The following TRAPPC9 variants were observed in gnomAD, a reference collection of about 807,000 sequenced individuals.
The protein encoded by TRAPPC9 is trafficking protein particle complex subunit 9.
TRAPPC9 carries 83 observed loss-of-function variants against 124.0 expected under a neutral mutation model. The ratio of observed to expected loss-of-function variants is 0.67; its 90% confidence interval spans 0.56 to 0.80. TRAPPC9 has a LOEUF of 0.80. Ranked by LOEUF, TRAPPC9 falls within the 30% of genes least tolerant of loss-of-function variation. TRAPPC9 has a pLI of 0.00. For synonymous variants in TRAPPC9, 638 were observed against 617.5 expected, an observed-to-expected ratio of 1.03 and a Z score of -0.49; for missense variants, 1,302 against 1,508.3, an observed-to-expected ratio of 0.86 and a Z score of 2.27.
chr8:140,345,378 A>G (rs2067314440), intron 9 of TRAPPC9, among the ~76,000 whole-genome samples: 1 of 152,174 alleles, frequency 6.6e-6, no homozygotes, highest in South Asian at 2.1e-4. Context: ...CCTCCCAAAG[A>G]GCTGGAGTGT....
intron 15 of TRAPPC9, among the ~76,000 whole-genome samples, chr8:140,275,030 CCTATA>C (rs2065068628): frequency 1.3e-5 from 2 of 152,208 alleles, no homozygotes; most frequent in South Asian, 4.1e-4. Flanking sequence ...TTTCCCTCCT[CCTATA>C]CAATACATTC....
intron 1 of TRAPPC9, among the ~76,000 whole-genome samples, chr8:140,451,679 A>T (rs1178209403): frequency 6.6e-6 from 1 of 152,156 alleles, no homozygotes; most frequent in East Asian, 1.9e-4. Flanking sequence ...AGTGCTCAAA[A>T]ATGTCTGTTG....
At position 139,836,014 on chromosome 8, in the gene TRAPPC9, A is replaced by T. The variant is rs877839; in HGVS notation, c.3055+49865T>A. On this transcript the variant is annotated intron_variant, in intron 21 of 22. Coordinates refer to ENST00000438773, the MANE Select transcript of TRAPPC9 (RefSeq NM_001160372.4). ...CACAAAGGGAAGCATTTATTTATTT[A>T]TTTATTTTTTTTGAGACAGAGTCTC... Among the ~76,000 whole-genome samples, 910 of 105,854 alleles carry T rather than the reference A, an allele frequency of 8.6e-3. 5 individuals are homozygous for T. Among genetic ancestry groups the T allele is most frequent in the African/African-American group, 0.037 (579 of 15,690 alleles). 69.4% of individuals were successfully genotyped at this position (105,854 alleles called of 152,430 possible).
chr8:140,439,081 C>T lies in TRAPPC9; in HGVS notation c.701G>A (p.Arg234His), dbSNP rs779180134. Residue 234 changes from arginine to histidine, a missense_variant, in exon 3 of 23, where the codon CGT becomes CAT. Transcript: ENST00000438773. Reference protein sequence around the residue: ...VHYHMSVELLRSVNDFLWLGA... With the variant: ...VHYHMSVELLHSVNDFLWLGA... ...AAGCCACAGAAAGTCATTCACAGAA[C>T]GCAGCAGCTCCACCGACATGTGGTA... 2.5e-6 allele frequency: 4 copies of T among 1,614,074 alleles called. No individual in the cohort carries two copies. Among genetic ancestry groups the T allele is most frequent in the Admixed American group, 1.7e-5 (1 of 60,006 alleles).
intron 17 of TRAPPC9, among the ~76,000 whole-genome samples, chr8:140,157,022 CT>C (rs750061801): frequency 0.076 from 2,398 of 31,746 alleles, 218 homozygotes; most frequent in African/African-American, 0.11. Context: ...AGAAGCCTCC[CT>C]TTTCCATTCA....
chr8:140,423,579 T>TATATAC (rs1554684613), intron 5 of TRAPPC9, among the ~76,000 whole-genome samples: 9 of 145,440 alleles, frequency 6.2e-5, no homozygotes, highest in African/African-American at 2.3e-4. Flanking sequence ...AAATGTGGCA[T>TATATAC]ACACACACAC....
intron 20 of TRAPPC9, among the ~76,000 whole-genome samples, chr8:139,901,020 A>AATAT: frequency 6.6e-6 from 1 of 150,988 alleles, no homozygotes; most frequent in Non-Finnish European, 1.5e-5. Flanking sequence ...TAAATAAATA[A>AATAT]AAATAAAATA....
At chr8:140,084,981 C>T (rs10096038) in intron 17 of TRAPPC9, among the ~76,000 whole-genome samples, 117,203 of 152,196 alleles carry the variant, frequency 0.77, 45,790 homozygotes, top group African/African-American at 0.92. Flanking sequence ...GGCTGGACTC[C>T]GAGGCCTATG....
chr8:140,389,400 G>C (rs975224450), intron 7 of TRAPPC9, among the ~76,000 whole-genome samples: 1 of 152,192 alleles, frequency 6.6e-6, no homozygotes, highest in African/African-American at 2.4e-5. Context: ...CATAGGGGGG[G>C]TTATGGATTA....
intron 17 of TRAPPC9, among the ~76,000 whole-genome samples, chr8:140,094,487 A>G (rs1440531460): frequency 6.6e-6 from 1 of 152,198 alleles, no homozygotes; most frequent in East Asian, 1.9e-4. Flanking sequence ...AGGAAAGGTC[A>G]GAAAGGGGAA....
intron 21 of TRAPPC9, among the ~76,000 whole-genome samples, chr8:139,794,958 A>G (rs147670285): frequency 2.6e-5 from 4 of 152,256 alleles, no homozygotes; most frequent in Non-Finnish European, 2.9e-5. Flanking sequence ...CCTTTCCTAA[A>G]CCTGGGGTGA....
chr8:140,405,059 C>T (rs2069443410), intron 6 of TRAPPC9, among the ~76,000 whole-genome samples: 1 of 152,116 alleles, frequency 6.6e-6, no homozygotes, highest in African/African-American at 2.4e-5. Flanking sequence ...TGATGCCACT[C>T]TTCGGCACAA....
At chr8:140,088,590 G>C (rs1426330558) in intron 17 of TRAPPC9, among the ~76,000 whole-genome samples, 1 of 152,186 alleles carries the variant, frequency 6.6e-6, no homozygotes, top group Non-Finnish European at 1.5e-5. Context: ...AAAAGTCTAA[G>C]TGCATAAATT....
chr8:139,951,437 C>T (rs566443345), intron 19 of TRAPPC9, among the ~76,000 whole-genome samples: 2 of 152,246 alleles, frequency 1.3e-5, no homozygotes, highest in Non-Finnish European at 2.9e-5. Context: ...GCCACCATCC[C>T]GGCCTTTGCC....
upstream of TRAPPC9, chr8:140,458,460 G>A (rs2071789294): frequency 6.4e-7 from 1 of 1,572,686 alleles, no homozygotes; most frequent in South Asian, 1.2e-5. Flanking sequence ...CGGCCTGGGA[G>A]CGCCTCCAGG....
intron 17 of TRAPPC9, among the ~76,000 whole-genome samples, chr8:140,053,380 T>C (rs934567651): frequency 6.6e-6 from 1 of 152,234 alleles, no homozygotes; most frequent in Non-Finnish European, 1.5e-5. Flanking sequence ...CAGTTTTCCT[T>C]GTACAACTGA....
intron 5 of TRAPPC9, among the ~76,000 whole-genome samples, chr8:140,422,385 T>C (rs2070247725): frequency 6.6e-6 from 1 of 152,092 alleles, no homozygotes; most frequent in South Asian, 2.1e-4. Flanking sequence ...ATCAAGAAAA[T>C]GAAAAGATAA....
At position 139,984,967 on chromosome 8, in the gene TRAPPC9, G is replaced by A. The variant is rs984114893; in HGVS notation, c.2810+3759C>T. On this transcript the variant is annotated intron_variant, in intron 19 of 22. Transcript: ENST00000438773. This position sits in a 1 kb window ranked among gnomAD's most constrained non-coding sequence, Gnocchi z 4.3. ...GGCTGGGTTAGACACTTGTCCCAAT[G>A]TGTTGCCAATCCCCAGCGAGGAGGG... Among the ~76,000 whole-genome samples, 2 of 152,200 alleles carry A rather than the reference G, an allele frequency of 1.3e-5. No individual in the cohort carries two copies. The highest frequency in any genetic ancestry group is 4.8e-5 in the African/African-American group (2 of 41,446).
chr8:139,967,557 A>G (rs991702235), intron 19 of TRAPPC9, among the ~76,000 whole-genome samples: 1 of 152,228 alleles, frequency 6.6e-6, no homozygotes, highest in Non-Finnish European at 1.5e-5. Context: ...ACTGATGTCT[A>G]AACAATGACA....
Sources: gnomAD v4.1 joint callset for allele counts (sites outside exome capture counted in the v4.1 genomes callset) on GRCh38, gnomAD v4.1.1 for gene constraint, Gnocchi (gnomAD v3.1) non-coding constraint, MANE v1.5 for transcripts, NCBI Gene and HGNC (gene_info 2026-07-23, HGNC 2026-07-21) for gene names.